PDE1C: variants seen among roughly 807,000 people sequenced by gnomAD.
PDE1C encodes the protein dual specificity calcium/calmodulin-dependent 3',5'-cyclic nucleotide phosphodiesterase 1C.
Under a neutral mutation model 93.1 loss-of-function variants are expected in PDE1C, and 62 were observed. The observed-to-expected ratio is 0.67, with a 90% CI of 0.54 to 0.82. PDE1C has a LOEUF of 0.82. Ranked by LOEUF, PDE1C falls within the 40% of genes least tolerant of loss-of-function variation. The pLI, the probability that PDE1C is intolerant of heterozygous loss-of-function variation, is 0.00. For synonymous variants in PDE1C, 325 were observed against 310.1 expected (o/e 1.05, Z -0.50); for missense variants, 742 against 884.6 (o/e 0.84, Z 2.04).
intron 1 of PDE1C, among the ~76,000 whole-genome samples, chr7:32,361,727 C>T (rs1380125729): frequency 6.6e-6 from 1 of 152,178 alleles, no homozygotes; most frequent in Non-Finnish European, 1.5e-5. Flanking sequence ...GCTCCCCTGG[C>T]ACTTTGTACA....
intron 16 of PDE1C, among the ~76,000 whole-genome samples, chr7:31,780,016 G>T (rs1783286760): frequency 6.6e-6 from 1 of 152,180 alleles, no homozygotes; most frequent in South Asian, 2.1e-4. Flanking sequence ...CATGGAACTG[G>T]TTCTTGGATT....
intron 1 of PDE1C, among the ~76,000 whole-genome samples, chr7:32,362,988 C>A (rs192528031): frequency 6.6e-6 from 1 of 152,160 alleles, no homozygotes; most frequent in Non-Finnish European, 1.5e-5. Context: ...AAGCCAATCA[C>A]GAAGCAAATT....
chr7:31,826,653 T>A (rs1052652023), intron 12 of PDE1C, among the ~76,000 whole-genome samples: 1 of 152,196 alleles, frequency 6.6e-6, no homozygotes, highest in African/African-American at 2.4e-5. Flanking sequence ...ATACCTTATG[T>A]GCCACCTCTC....
intron 1 of PDE1C, among the ~76,000 whole-genome samples, chr7:32,418,954 G>T (rs2128099203): frequency 6.6e-6 from 1 of 152,230 alleles, no homozygotes; most frequent in South Asian, 2.1e-4. Flanking sequence ...TGATCTAATG[G>T]CTTCTTTTTT....
chr7:32,331,793 C>A (rs1444667896), intron 1 of PDE1C, among the ~76,000 whole-genome samples: 1 of 152,120 alleles, frequency 6.6e-6, no homozygotes, highest in Non-Finnish European at 1.5e-5. Context: ...TGAACAAGGT[C>A]ATCTGAAAAA....
At chr7:31,786,888 TTATATTATCTATCTATC>T (rs1159085808) in intron 16 of PDE1C, 1 of 144,018 alleles carries the variant, frequency 6.9e-6, no homozygotes, top group East Asian at 2.1e-4. Context: ...AGAAAATATA[TTATATTATCTATCTATC>T]TATCTATCTA....
At chr7:31,711,304 A>G in the PDE1C span, among the ~76,000 whole-genome samples, 1 of 152,242 alleles carries the variant, frequency 6.6e-6, no homozygotes, top group African/African-American at 2.4e-5. Flanking sequence ...CTACTTAAAT[A>G]ATGCCTTTCA....
At chr7:32,204,310 A>G (rs1400637600) in intron 2 of PDE1C, among the ~76,000 whole-genome samples, 2 of 152,206 alleles carry the variant, frequency 1.3e-5, no homozygotes, top group African/African-American at 4.8e-5. Context: ...ATTAGCCACA[A>G]GTAACAAAAC....
In PDE1C at chr7:32,396,652, C is replaced by T. The variant is rs113085935; in HGVS notation, c.310+31170G>A. On this transcript the variant is annotated intron_variant, in intron 1 of 1. Coordinates refer to the PDE1C transcript ENST00000672256. Reference sequence around the variant, plus strand: ...CAAAGCAAATGTAATGAAGTGTTCACTGTAGAATACAGACAGATACATGGG... The same window carrying T: ...CAAAGCAAATGTAATGAAGTGTTCATTGTAGAATACAGACAGATACATGGG... 5.7e-3 allele frequency among the ~76,000 whole-genome samples: 862 copies of T among 152,162 alleles called. 7 individuals are homozygous for T. Among genetic ancestry groups the T allele is most frequent in the African/African-American group, 0.02 (838 of 41,508 alleles).
At chr7:31,651,348 G>A in the PDE1C span, 1 of 1,450,836 alleles carries the variant, frequency 6.9e-7, no homozygotes, top group Non-Finnish European at 9.2e-7. Flanking sequence ...GCAGAACAGA[G>A]GAGCACCCTG....
chr7:31,629,980 A>G, the PDE1C span, among the ~76,000 whole-genome samples: 2 of 152,192 alleles, frequency 1.3e-5, no homozygotes, highest in Non-Finnish European at 2.9e-5. Context: ...ATATTTTTAA[A>G]AGAGAAGAAA....
At chr7:32,199,391 G>A (rs1804847239) in intron 2 of PDE1C, among the ~76,000 whole-genome samples, 2 of 151,858 alleles carry the variant, frequency 1.3e-5, no homozygotes, top group African/African-American at 2.4e-5. Context: ...ATTCTCTCTG[G>A]TCTTTCATTC....
chr7:32,031,907 A>G (rs147015809), intron 2 of PDE1C, among the ~76,000 whole-genome samples: 4 of 152,160 alleles, frequency 2.6e-5, no homozygotes, highest in Non-Finnish European at 5.9e-5. Context: ...ACCGCAGGAG[A>G]AGTACTGCTT....
At chr7:32,156,573 T>C (rs1035212594) in intron 3 of PDE1C, among the ~76,000 whole-genome samples, 3 of 152,124 alleles carry the variant, frequency 2.0e-5, no homozygotes, top group African/African-American at 7.2e-5. Flanking sequence ...GTGACCTTTC[T>C]CTCACAAGCA....
At chr7:32,260,616 C>T (rs1451337718) in intron 1 of PDE1C, among the ~76,000 whole-genome samples, 2 of 152,208 alleles carry the variant, frequency 1.3e-5, no homozygotes, top group South Asian at 2.1e-4. Context: ...GAAATTATGA[C>T]AGTGAAAGAA....
At chr7:31,978,359 T>G (rs1811937083) in intron 2 of PDE1C, among the ~76,000 whole-genome samples, 1 of 152,176 alleles carries the variant, frequency 6.6e-6, no homozygotes, top group Non-Finnish European at 1.5e-5. Context: ...TGAGTACAGA[T>G]GTTTAGAAAA....
rs1288852975 is a variant in PDE1C at position 32,288,833 on chromosome 7, TTC to T, written c.85+9816_85+9817del. Among the ~76,000 whole-genome samples, 3 of 152,236 alleles carry T rather than the reference TTC, an allele frequency of 2.0e-5. No homozygotes were observed. The East Asian group carries it at 5.8e-4, about 29-fold the overall frequency. ...AAGTCAGAGAAAAACAATGCCAGCTTTCTCTTGGGGCCTCTCAGAGAGATGAA... is the reference window on the plus strand; with the variant it reads ...AAGTCAGAGAAAAACAATGCCAGCTTTCTTGGGGCCTCTCAGAGAGATGAA... On this transcript the variant is annotated intron_variant, in intron 1 of 18. Transcript: ENST00000396193.
At chr7:31,655,788 GC>G in the PDE1C span, 1 of 985,594 alleles carries the variant, frequency 1.0e-6, no homozygotes, top group Non-Finnish European at 1.2e-6. Flanking sequence ...CCCAGGTTGG[GC>G]TTTTGACCTC....
chr7:32,067,490 A>G (rs1471636734), intron 1 of PDE1C, among the ~76,000 whole-genome samples: 1 of 152,080 alleles, frequency 6.6e-6, no homozygotes. Flanking sequence ...TATAGGGGAC[A>G]CCTCCCTGCA....
Sources: allele counts gnomAD v4.1 joint callset (sites outside exome capture counted in the v4.1 genomes callset), GRCh38; gene constraint gnomAD v4.1.1; transcripts MANE v1.5; gene names NCBI Gene and HGNC (gene_info 2026-07-23, HGNC 2026-07-21).